JMJD1C: variants seen among roughly 807,000 people sequenced by gnomAD.
JMJD1C encodes jumonji domain containing 1C.
A neutral mutation model predicts 245.3 loss-of-function variants in JMJD1C; 31 were observed. The observed-to-expected ratio is 0.13, with a 90% confidence interval of 0.09 to 0.17. JMJD1C has a LOEUF of 0.17. JMJD1C is among the 10% of genes least tolerant of loss of function. JMJD1C has a pLI of 1.00. For missense variants in JMJD1C, 2,691 were observed against 3,000.2 expected, an observed-to-expected ratio of 0.90 and a Z score of 2.41; for synonymous variants, 1,057 against 1,017.4, an observed-to-expected ratio of 1.04 and a Z score of -0.74.
At chr10:63,518,423 T>C (rs954697255) in intron 1 of JMJD1C, among the ~76,000 whole-genome samples, 1 of 152,206 alleles carries the variant, frequency 6.6e-6, no homozygotes, top group African/African-American at 2.4e-5. Flanking sequence ...TGATTTATAA[T>C]AACATATATT....
intron 2 of JMJD1C, among the ~76,000 whole-genome samples, chr10:63,273,580 T>C (rs1264121101): frequency 6.6e-6 from 1 of 152,220 alleles, no homozygotes; most frequent in Non-Finnish European, 1.5e-5. Flanking sequence ...TTTAAATTGA[T>C]TGTTCTTATG....
At position 63,398,637 on chromosome 10, in the gene JMJD1C, G is replaced by GGA. The variant is rs144186449; in HGVS notation, c.169-18156_169-18155insTC. Among the ~76,000 whole-genome samples the GGA allele has an allele frequency of 7.6e-3, 486 of 63,916 alleles. 3 individuals carry two copies. Among genetic ancestry groups the GGA allele is most frequent in the African/African-American group, 0.019 (471 of 24,164 alleles). 41.9% of individuals were successfully genotyped at this position (63,916 alleles called of 152,430 possible). A position where few individuals can be genotyped will look rare whatever the true frequency, so the allele number is the denominator to read the frequency against. ...ATAATTGCTTCATCATTTACTATCT[G>GGA]AAAAAAAATTTTTTTTTTTTTTTTG... On this transcript the variant is annotated intron_variant, in intron 1 of 25. Coordinates refer to ENST00000399262, the MANE Select transcript of JMJD1C (RefSeq NM_032776.3).
intron 2 of JMJD1C, among the ~76,000 whole-genome samples, chr10:63,319,473 T>C (rs1467592142): frequency 6.6e-6 from 1 of 151,950 alleles, no homozygotes; most frequent in South Asian, 2.1e-4. Context: ...GACTCTGAAC[T>C]CCTTTTAATC....
At position 63,168,100 on chromosome 10, in the gene JMJD1C, A is replaced by G; in HGVS notation, c.7568T>C (p.Met2523Thr). 6.2e-7 allele frequency: 1 copy of G among 1,606,746 alleles called. No individual in the cohort carries two copies. ...CTCGTGTATCTTCAAGGCTCTCACC[A>G]TTTCTTTGACTGCATGATACAAAAT... ...KNILYHAVKE[M>T]VRALKIHEDE... Residue 2523 changes from methionine (M) to threonine (T), a missense_variant, in exon 26 of 26, where the codon ATG (methionine) becomes ACG (threonine). Coordinates refer to ENST00000399262, the MANE Select transcript of JMJD1C (RefSeq NM_032776.3).
At chr10:63,473,506 C>T (rs1017292349) in intron 1 of JMJD1C, among the ~76,000 whole-genome samples, 3 of 151,912 alleles carry the variant, frequency 2.0e-5, no homozygotes, top group African/African-American at 7.2e-5. Flanking sequence ...CTTGGCCTCC[C>T]AAAGTGCTGG....
upstream of JMJD1C, among the ~76,000 whole-genome samples, chr10:63,470,770 G>C (rs150821516): frequency 2.6e-4 from 39 of 152,250 alleles, 1 homozygote; most frequent in East Asian, 7.1e-3. Context: ...AATGAAGGAG[G>C]AAGTGAAGCA....
chr10:63,330,091 G>A (rs1363629458), intron 2 of JMJD1C, among the ~76,000 whole-genome samples: 1 of 151,822 alleles, frequency 6.6e-6, no homozygotes, highest in African/African-American at 2.4e-5. Context: ...TAGTAGAGAT[G>A]GGGTTTCACC....
chr10:63,346,392 A>G (rs763597588), intron 2 of JMJD1C, among the ~76,000 whole-genome samples: 10 of 152,212 alleles, frequency 6.6e-5, no homozygotes, highest in Non-Finnish European at 1.2e-4. Flanking sequence ...AAACAGCCCT[A>G]AAGCATACTT....
At chr10:63,500,086 T>C (rs947281842) in intron 1 of JMJD1C, among the ~76,000 whole-genome samples, 1 of 152,238 alleles carries the variant, frequency 6.6e-6, no homozygotes, top group Non-Finnish European at 1.5e-5. Context: ...AGGCCTGGCA[T>C]GTAATTCATG....
Position 63,215,103 on chromosome 10 carries a change from G to A in JMJD1C, c.1064C>T (p.Pro355Leu), listed in dbSNP as rs772613741. Residue 355 changes from proline (P) to leucine (L), a missense_variant, in exon 8 of 26, where the codon CCT (proline) becomes CTT (leucine). Around this residue, in one of 9 missense-constraint regions of JMJD1C, gnomAD observed 1,562 missense variants for 1,490.7 expected, o/e 1.05. Transcript: ENST00000399262. The part of the protein sequence containing the change: ...NKHLMNKRRK[P>L]EEDEKKLNMK... The stretch of plus-strand genomic sequence containing the variant: ...ATTTAGTTTCTTTTCATCCTCCTCA[G>A]GTTTCCTTCTTTTATTCATCAAGTG... 28 of 1,579,492 alleles carry A rather than the reference G, an allele frequency of 1.8e-5. No homozygotes were observed. The highest frequency in any genetic ancestry group is 2.3e-5 in the Non-Finnish European group (27 of 1,169,328).
chr10:63,313,313 G>A (rs1236150316), intron 2 of JMJD1C, among the ~76,000 whole-genome samples: 1 of 152,156 alleles, frequency 6.6e-6, no homozygotes, highest in Non-Finnish European at 1.5e-5. Flanking sequence ...ATTCCATTGT[G>A]TGTGTAAGAA....
intron 2 of JMJD1C, among the ~76,000 whole-genome samples, chr10:63,363,856 T>A (rs962474500): frequency 2.0e-5 from 3 of 147,988 alleles, no homozygotes; most frequent in Non-Finnish European, 4.5e-5. Context: ...CTGGCTAATT[T>A]TTTTTTTTTT....
chr10:63,352,318 T>C (rs1049551988), intron 2 of JMJD1C, among the ~76,000 whole-genome samples: 1 of 152,122 alleles, frequency 6.6e-6, no homozygotes, highest in Non-Finnish European at 1.5e-5. Flanking sequence ...TAAAAGTTTA[T>C]TAGATACCAA....
rs1010191333 is a variant in JMJD1C at position 63,213,742 on chromosome 10, G to A, written c.2425C>T (p.Leu809Phe). The A allele has an allele frequency of 1.2e-6, 2 of 1,614,058 alleles. No individual in the cohort carries two copies. Among genetic ancestry groups the A allele is most frequent in the African/African-American group, 1.3e-5 (1 of 74,938 alleles). The stretch of plus-strand genomic sequence containing the variant: ...CTCTCTAGTCGTGGGTGGCCACCAA[G>A]TAAGGAGGCAGTAGGCACTCCAGGT... Reference protein sequence around the residue: ...VLPGVPTASLLGGHPRLESAH... With the variant: ...VLPGVPTASLFGGHPRLESAH... Residue 809 changes from leucine (L) to phenylalanine (F), a missense_variant, in exon 8 of 26, where the codon CTT becomes TTT. Around this residue, in one of 9 missense-constraint regions of JMJD1C, gnomAD observed 1,562 missense variants for 1,490.7 expected, o/e 1.05. Transcript: ENST00000399262.
intron 1 of JMJD1C, among the ~76,000 whole-genome samples, chr10:63,481,144 G>A (rs572877269): frequency 6.6e-6 from 1 of 152,212 alleles, no homozygotes; most frequent in South Asian, 2.1e-4. Context: ...TTTTCTTCAG[G>A]AACTAAATAG....
chr10:63,439,405 ATTAC>A (rs1951237293), intron 1 of JMJD1C, among the ~76,000 whole-genome samples: 1 of 152,234 alleles, frequency 6.6e-6, no homozygotes, highest in Non-Finnish European at 1.5e-5. Context: ...AACATTTAAT[ATTAC>A]TTAAAGAGAA....
intron 2 of JMJD1C, among the ~76,000 whole-genome samples, chr10:63,299,527 T>C (rs1859838065): frequency 6.6e-6 from 1 of 151,924 alleles, no homozygotes; most frequent in Non-Finnish European, 1.5e-5. Context: ...CAAGACCATT[T>C]AAAAATGGTT....
chr10:63,501,348 C>T (rs1954553360), intron 1 of JMJD1C, among the ~76,000 whole-genome samples: 1 of 152,186 alleles, frequency 6.6e-6, no homozygotes, highest in Admixed American at 6.5e-5. Flanking sequence ...GAAAAAGATA[C>T]TGATGTTAAT....
At chr10:63,515,045 T>G (rs946858570) in intron 1 of JMJD1C, among the ~76,000 whole-genome samples, 2 of 152,188 alleles carry the variant, frequency 1.3e-5, no homozygotes. Context: ...GGATTAGGTC[T>G]CAGTCCTCTG....
Sources: gnomAD v4.1 joint callset for allele counts (sites outside exome capture counted in the v4.1 genomes callset) on GRCh38, gnomAD v4.1.1 for gene constraint, gnomAD v4.1.1 regional missense constraint, MANE v1.5 for transcripts, NCBI Gene and HGNC (gene_info 2026-07-23, HGNC 2026-07-21) for gene names.